NTRK3: variants seen among roughly 807,000 people sequenced by gnomAD.
NTRK3 encodes the protein NT-3 growth factor receptor.
In NTRK3, 24 loss-of-function variants were observed where a neutral mutation model predicts 91.7. The observed-to-expected ratio is 0.26, with a 90% CI of 0.19 to 0.37. The LOEUF (loss-of-function observed/expected upper bound fraction) is 0.37, where lower values mean the gene tolerates loss of function less well. Ranked by LOEUF, NTRK3 falls within the 10% of genes least tolerant of loss-of-function variation. The pLI is 1.00. For missense variants in NTRK3, 880 were observed against 1,068.9 expected (o/e 0.82, Z 2.46); for synonymous variants, 483 against 404.0 (o/e 1.20, Z -2.34).
intron 3 of NTRK3, among the ~76,000 whole-genome samples, chr15:88,224,815 T>A (rs991572583): frequency 6.6e-6 from 1 of 152,124 alleles, no homozygotes; most frequent in Non-Finnish European, 1.5e-5. Context: ...GGCAGCTACA[T>A]AAATTATCCT....
In NTRK3 at chr15:87,880,380, T is replaced by C. The variant is rs750407882; in HGVS notation, c.2182A>G (p.Ile728Val). The change falls in exon 18 of 19, where the codon ATC (isoleucine) becomes GTC (valine). Residue 728 changes from isoleucine to valine, a missense_variant. Coordinates refer to ENST00000394480, the Ensembl canonical transcript of NTRK3. ...TCTGTAGTGAACTTCCGGTACATGATGCTTTCAGGAGGCATCCAGCGAATG... is the reference window on the plus strand; with the variant it reads ...TCTGTAGTGAACTTCCGGTACATGACGCTTTCAGGAGGCATCCAGCGAATG... 4 of 1,614,190 alleles carry C rather than the reference T, an allele frequency of 2.5e-6. No homozygotes were observed. The highest frequency in any genetic ancestry group is 1.6e-4 in the Middle Eastern group (1 of 6,062).
At chr15:88,094,170 G>A (rs1458130505) in intron 13 of NTRK3, among the ~76,000 whole-genome samples, 1 of 152,156 alleles carries the variant, frequency 6.6e-6, no homozygotes, top group African/African-American at 2.4e-5. Flanking sequence ...AGGGGCTTAA[G>A]AATAAAAAGA....
At chr15:88,069,198 C>T (rs1292547708) in intron 13 of NTRK3, among the ~76,000 whole-genome samples, 1 of 152,196 alleles carries the variant, frequency 6.6e-6, no homozygotes, top group Non-Finnish European at 1.5e-5. Context: ...AGAGATCAAT[C>T]ATAACCACCT....
chr15:88,252,036 G>T (rs1386787196), intron 3 of NTRK3, among the ~76,000 whole-genome samples: 2 of 152,238 alleles, frequency 1.3e-5, no homozygotes, highest in South Asian at 2.1e-4. Flanking sequence ...GCCTTTCCTT[G>T]GTGGAAAACC....
At chr15:87,933,014 G>A (rs769442770) in exon 16 of NTRK3, 6 of 1,614,082 alleles carry the variant, frequency 3.7e-6, no homozygotes, top group Admixed American at 3.3e-5. Flanking sequence ...TTGCTTACCT[G>A]AGGAACTTAT....
Position 88,153,312 on chromosome 15 carries a change from G to A in NTRK3, c.396-5909C>T, listed in dbSNP as rs555862766. ...GGCTGGAGTGCAATGGCATGATCTC[G>A]ACTCACTGCAACCTCCGCCTCCCGG... is the stretch of plus-strand genomic sequence containing the variant. On this transcript the variant is annotated intron_variant, in intron 5 of 18. Coordinates refer to ENST00000394480, the Ensembl canonical transcript of NTRK3. 1.3e-4 allele frequency among the ~76,000 whole-genome samples: 20 copies of A among 151,994 alleles called. No homozygotes were observed. In the East Asian group the frequency reaches 2.9e-3, roughly 22 times the overall value.
rs565433982 is a variant in NTRK3 at position 88,060,582 on chromosome 15, GC to G, written c.1397-27538del. Among the ~76,000 whole-genome samples the G allele has an allele frequency of 1.2e-3, 177 of 152,162 alleles. 1 individual carries two copies. Among genetic ancestry groups the G allele is most frequent in the African/African-American group, 4.0e-3 (168 of 41,516 alleles). Reference sequence around the variant, plus strand: ...AGACAGGGTAGAGAGGCAGCCCCAAGCCAGGCCGTGCATGACCATGGGGACC... The same window carrying G: ...AGACAGGGTAGAGAGGCAGCCCCAAGCAGGCCGTGCATGACCATGGGGACC... On this transcript the variant is annotated intron_variant, in intron 13 of 18. Transcript: ENST00000394480.
intron 13 of NTRK3, among the ~76,000 whole-genome samples, chr15:88,060,010 C>T (rs1318892476): frequency 2.6e-5 from 4 of 152,136 alleles, no homozygotes; most frequent in Non-Finnish European, 2.9e-5. Flanking sequence ...GAATAGATTT[C>T]TGTTGTTAAA....
chr15:88,123,414 C>T (rs186125051), intron 13 of NTRK3, among the ~76,000 whole-genome samples: 150 of 152,270 alleles, frequency 9.9e-4, no homozygotes, highest in Admixed American at 1.8e-3. Context: ...CTTCTGGTAC[C>T]GGTGTCATCA....
chr15:87,867,515 C>T (rs1039399819), exon 19 of NTRK3: 4 of 229,798 alleles, frequency 1.7e-5, no homozygotes, highest in African/African-American at 8.9e-5. Flanking sequence ...TCAGTGATAA[C>T]CAACTTGAGC....
intron 17 of NTRK3, among the ~76,000 whole-genome samples, chr15:87,909,848 T>A (rs1204982134): frequency 6.6e-6 from 1 of 152,142 alleles, no homozygotes; most frequent in Non-Finnish European, 1.5e-5. Context: ...CAGGCAGCCA[T>A]GTGCAAGACA....
At chr15:88,017,805 C>G (rs1316127146) in intron 14 of NTRK3, among the ~76,000 whole-genome samples, 1 of 152,190 alleles carries the variant, frequency 6.6e-6, no homozygotes, top group Non-Finnish European at 1.5e-5. Context: ...CCCCACAAAT[C>G]CCCAAGCACA....
At chr15:88,008,420 C>T (rs1167221222) in intron 14 of NTRK3, among the ~76,000 whole-genome samples, 2 of 151,910 alleles carry the variant, frequency 1.3e-5, no homozygotes, top group Admixed American at 6.5e-5. Context: ...ATGTGAGCCC[C>T]GAGAGAAGCT....
At chr15:87,950,743 AATGCCCATAAAAGTTCGGGAAGGAAT>A (rs2071031992) in intron 14 of NTRK3, among the ~76,000 whole-genome samples, 1 of 152,206 alleles carries the variant, frequency 6.6e-6, no homozygotes. Context: ...CGAAGGAGCT[AATGCCCATAAAAGTTCGGGAAGGAAT>A]ATGCCAATTT....
chr15:88,109,102 G>T lies in NTRK3; in HGVS notation c.1396+17169C>A, dbSNP rs1252333286. ...CGGATGCTTCTCCCCCAATCCATGG[G>T]GAGTCTTTGCAAGGCACTTAAATTT... On this transcript the variant is annotated intron_variant, in intron 13 of 18. Transcript: ENST00000394480. Among the ~76,000 whole-genome samples the T allele has an allele frequency of 2.0e-5, 3 of 152,164 alleles. No individual in the cohort carries two copies. In the South Asian group the frequency reaches 6.2e-4, roughly 32 times the overall value.
intron 17 of NTRK3, chr15:87,908,471 A>G: frequency 2.5e-6 from 1 of 399,930 alleles, no homozygotes; most frequent in Non-Finnish European, 4.4e-6. Context: ...TGGCCCCAGA[A>G]ATCAAATCCA....
exon 6 of NTRK3, chr15:88,147,388 G>A: frequency 6.2e-7 from 1 of 1,613,810 alleles, no homozygotes; most frequent in Non-Finnish European, 8.5e-7. Context: ...TGGTGAGCCG[G>A]TTACTTGACA....
intron 5 of NTRK3, among the ~76,000 whole-genome samples, chr15:88,147,954 A>G (rs1431100318): frequency 6.6e-6 from 1 of 152,208 alleles, no homozygotes; most frequent in Non-Finnish European, 1.5e-5. Flanking sequence ...GTACAGGGGA[A>G]AGGAGCAGCC....
At chr15:87,993,199 C>A (rs1381009425) in intron 14 of NTRK3, among the ~76,000 whole-genome samples, 1 of 152,038 alleles carries the variant, frequency 6.6e-6, no homozygotes, top group Non-Finnish European at 1.5e-5. Context: ...GAGTCATGGC[C>A]GTACCATTTA....
Sources: allele counts gnomAD v4.1 joint callset (sites outside exome capture counted in the v4.1 genomes callset), GRCh38; gene constraint gnomAD v4.1.1; transcripts MANE v1.5; gene names NCBI Gene and HGNC (gene_info 2026-07-23, HGNC 2026-07-21).